DENND5A: variants seen among roughly 807,000 people sequenced by gnomAD.
The protein encoded by DENND5A is DENN domain containing 5A.
In DENND5A, 64 loss-of-function variants were observed where a neutral mutation model predicts 140.3. The ratio of observed to expected loss-of-function variants is 0.46; its 90% CI spans 0.37 to 0.56. The LOEUF is 0.56. Ranked by LOEUF, DENND5A falls within the 20% of genes least tolerant of loss-of-function variation. The pLI, the probability that DENND5A is intolerant of heterozygous loss-of-function variation, is 0.00. For synonymous variants in DENND5A, 605 were observed against 607.7 expected (o/e 1.00, Z 0.07); for missense variants, 1,292 against 1,593.8 (o/e 0.81, Z 3.22).
chr11:9,158,766 A>AT (rs1847888604), intron 12 of DENND5A, among the ~76,000 whole-genome samples: 3 of 152,310 alleles, frequency 2.0e-5, no homozygotes, highest in African/African-American at 7.2e-5. Context: ...AAGATATGAG[A>AT]TAAAAACAAA....
At chr11:9,254,158 G>GAAAAA (rs10718465) in intron 1 of DENND5A, among the ~76,000 whole-genome samples, 6 of 91,860 alleles carry the variant, frequency 6.5e-5, no homozygotes, top group African/African-American at 1.3e-4. Flanking sequence ...CTCTGTCTCA[G>GAAAAA]AAAAAAAAAA....
chr11:9,228,110 CAAAAAAAAA>C (rs548141276), intron 1 of DENND5A, among the ~76,000 whole-genome samples: 1 of 72,686 alleles, frequency 1.4e-5, no homozygotes, highest in Non-Finnish European at 2.5e-5. Flanking sequence ...GACTCCATCT[CAAAAAAAAA>C]AAAAAAAAAA....
rs1847167658 is a variant in DENND5A at position 9,139,605 on chromosome 11, T to TG, written c.*65dup. 5 of 1,506,440 alleles carry TG rather than the reference T, an allele frequency of 3.3e-6. No homozygotes were observed. The South Asian group carries it at 6.1e-5, about 18-fold the overall frequency. The allele number at this position is 1,506,440 out of a possible 1,614,324, so 93.3% of individuals were successfully genotyped here. ...TCCTGCACAATCGCTTAAGTCCCTT[T>TG]GGGAAAAAAGGTCAGAGCTGCAGGG... On this transcript the variant is annotated 3_prime_UTR_variant, in exon 23 of 23. Coordinates refer to ENST00000328194, the MANE Select transcript of DENND5A (RefSeq NM_015213.4).
intron 10 of DENND5A, among the ~76,000 whole-genome samples, chr11:9,167,515 C>T (rs1039737108): frequency 2.0e-5 from 3 of 150,444 alleles, no homozygotes; most frequent in African/African-American, 7.3e-5. Flanking sequence ...CAGCCAGGAG[C>T]AGTGACTCTG....
chr11:9,201,402 T>C (rs1849518526), intron 4 of DENND5A, among the ~76,000 whole-genome samples: 1 of 150,348 alleles, frequency 6.7e-6, no homozygotes, highest in Non-Finnish European at 1.5e-5. Context: ...ATTTTAAGGC[T>C]GGGCACAGTG....
At position 9,139,726 on chromosome 11, in the gene DENND5A, A is replaced by C; in HGVS notation, c.3809T>G (p.Leu1270Trp). ...CTCCAGCGTGATGTTGAACTCCTGC[A>C]ATGTCTGCAGCACACGAATCAAGGA... Reference protein sequence around the residue: ...VNSLIRVLQTLQEFNITLETS... With the variant: ...VNSLIRVLQTWQEFNITLETS... The change falls in exon 23 of 23, where the codon TTG (leucine) becomes TGG (tryptophan). Residue 1270 changes from leucine to tryptophan, a missense_variant. Physicochemically the swap from Leu to Trp is moderately conservative, Grantham distance 61. Around this residue, in one of 4 missense-constraint regions of DENND5A, gnomAD observed 498 missense variants for 689.7 expected, o/e 0.72. Coordinates refer to ENST00000328194, the MANE Select transcript of DENND5A (RefSeq NM_015213.4). 1 of 1,613,990 alleles carries C rather than the reference A, an allele frequency of 6.2e-7. No homozygotes were observed. Among genetic ancestry groups the C allele is most frequent in the Non-Finnish European group, 8.5e-7 (1 of 1,179,978 alleles).
chr11:9,204,398 T>C, intron 3 of DENND5A, 81 bp from the exon 4 acceptor site: 3 of 1,363,058 alleles, frequency 2.2e-6, no homozygotes, highest in Non-Finnish European at 3.0e-6. Flanking sequence ...ATTTATTTAT[T>C]TATAGAGCAC....
intron 1 of DENND5A, among the ~76,000 whole-genome samples, chr11:9,254,932 G>T (rs371010456): frequency 4.6e-5 from 7 of 151,752 alleles, no homozygotes; most frequent in Admixed American, 3.3e-4. Context: ...TTAGCTGGGC[G>T]TGATGGCAGA....
Position 9,247,305 on chromosome 11 carries a change from C to T in DENND5A, c.109+17656G>A, listed in dbSNP as rs1445992817. Among the ~76,000 whole-genome samples the T allele has an allele frequency of 2.6e-5, 4 of 151,912 alleles. No homozygotes were observed. In the East Asian group the frequency reaches 7.7e-4, roughly 29 times the overall value. ...TTTGAACATTCAGCTGCCTCGTCCT[C>T]CTTGCTTGGCACCCTGCAGTAAAAG... On this transcript the variant is annotated intron_variant, in intron 1 of 22. Transcript: ENST00000328194.
At chr11:9,176,499 A>G (rs1184555854) in intron 8 of DENND5A, among the ~76,000 whole-genome samples, 1 of 152,232 alleles carries the variant, frequency 6.6e-6, no homozygotes, top group Non-Finnish European at 1.5e-5. Flanking sequence ...GGACATGTTC[A>G]ATCATTTGTG....
intron 1 of DENND5A, among the ~76,000 whole-genome samples, chr11:9,228,944 T>A (rs1850647515): frequency 6.6e-6 from 1 of 152,158 alleles, no homozygotes; most frequent in South Asian, 2.1e-4. Flanking sequence ...TATGAGCCAT[T>A]CTGGCAAATT....
chr11:9,168,763 T>C (rs940947861), intron 10 of DENND5A, among the ~76,000 whole-genome samples: 5 of 152,220 alleles, frequency 3.3e-5, no homozygotes, highest in African/African-American at 1.2e-4. Flanking sequence ...TCCAATTCAC[T>C]GAGCTGCCAG....
chr11:9,213,816 A>AAAAAAAAAAAAAAAG (rs1326114808), intron 1 of DENND5A, among the ~76,000 whole-genome samples: 4 of 150,212 alleles, frequency 2.7e-5, no homozygotes, highest in East Asian at 1.9e-4. Context: ...CCCAAAAAAA[A>AAAAAAAAAAAAAAAG]AAGAAGAAGA....
At chr11:9,179,142 T>TTG in intron 6 of DENND5A, 69 bp from the exon 7 acceptor site, 1 of 1,414,826 alleles carries the variant, frequency 7.1e-7, no homozygotes, top group Non-Finnish European at 9.8e-7. Context: ...ATGCAATTCC[T>TTG]GATTTTTTTA....
At chr11:9,228,465 A>G (rs1850625376) in intron 1 of DENND5A, among the ~76,000 whole-genome samples, 1 of 151,912 alleles carries the variant, frequency 6.6e-6, no homozygotes, top group South Asian at 2.1e-4. Context: ...GAAAACCCAT[A>G]AGGCCAGGTG....
At chr11:9,197,676 C>G (rs1488751322) in intron 4 of DENND5A, among the ~76,000 whole-genome samples, 1 of 152,108 alleles carries the variant, frequency 6.6e-6, no homozygotes, top group Non-Finnish European at 1.5e-5. Context: ...GCCTGGGCAA[C>G]AGAGCAAGAC....
intron 4 of DENND5A, among the ~76,000 whole-genome samples, chr11:9,196,494 G>A (rs1849333622): frequency 6.6e-6 from 1 of 152,130 alleles, no homozygotes; most frequent in African/African-American, 2.4e-5. Context: ...CCTCCCTGAA[G>A]GAGAACCAGG....
At chr11:9,218,925 G>A (rs556971711) in intron 1 of DENND5A, among the ~76,000 whole-genome samples, 12 of 152,118 alleles carry the variant, frequency 7.9e-5, no homozygotes, top group Non-Finnish European at 1.6e-4. Flanking sequence ...AGAATCGCTT[G>A]AACCCGGGAG....
At chr11:9,254,418 G>T (rs1315923431) in intron 1 of DENND5A, among the ~76,000 whole-genome samples, 2 of 152,252 alleles carry the variant, frequency 1.3e-5, no homozygotes, top group South Asian at 4.1e-4. Context: ...TTTTCTGTGT[G>T]TGGGTCTCAT....
Sources: gnomAD v4.1 joint callset for allele counts (sites outside exome capture counted in the v4.1 genomes callset) on GRCh38, gnomAD v4.1.1 for gene constraint, gnomAD v4.1.1 regional missense constraint, MANE v1.5 for transcripts, NCBI Gene and HGNC (gene_info 2026-07-23, HGNC 2026-07-21) for gene names.